Variants in SYNDIG1L observed in about 807,000 individuals in gnomAD.
The protein encoded by SYNDIG1L is synapse differentiation-inducing gene protein 1-like.
A neutral mutation model predicts 20.1 loss-of-function variants in SYNDIG1L; 13 were observed. The ratio of observed to expected loss-of-function variants is 0.65; its 90% CI spans 0.42 to 1.03. The LOEUF (loss-of-function observed/expected upper bound fraction) is 1.03, where lower values mean the gene tolerates loss of function less well. Ranked by LOEUF, SYNDIG1L falls within the 50% of genes least tolerant of loss-of-function variation. The pLI, the probability that SYNDIG1L is intolerant of heterozygous loss-of-function variation, is 0.00. For missense variants in SYNDIG1L, 294 were observed against 305.1 expected, an observed-to-expected ratio of 0.96 and a Z score of 0.27; for synonymous variants, 128 against 129.3, an observed-to-expected ratio of 0.99 and a Z score of 0.07.
chr14:74,414,260 A>G (rs939244544), intron 1 of SYNDIG1L, among the ~76,000 whole-genome samples: 3 of 152,172 alleles, frequency 2.0e-5, no homozygotes, highest in Admixed American at 6.5e-5. Context: ...GTGTGTGTGT[A>G]GGCATGCCTG....
the SYNDIG1L span, among the ~76,000 whole-genome samples, chr14:74,468,309 G>A: frequency 0.23 from 34,990 of 151,964 alleles, 4,529 homozygotes; most frequent in African/African-American, 0.35. Context: ...GAACTGCTTC[G>A]CAGGCATTAC....
the SYNDIG1L span, among the ~76,000 whole-genome samples, chr14:74,439,353 T>C: frequency 9.2e-5 from 14 of 152,064 alleles, no homozygotes; most frequent in African/African-American, 3.4e-4. Flanking sequence ...CCTTAAGTCA[T>C]AAAGCTGGTA....
the SYNDIG1L span, among the ~76,000 whole-genome samples, chr14:74,475,793 T>C: frequency 6.6e-6 from 1 of 152,234 alleles, no homozygotes; most frequent in African/African-American, 2.4e-5. Context: ...TAAGCCTCTC[T>C]GGAGTTCAGA....
At chr14:74,445,415 C>T in the SYNDIG1L span, among the ~76,000 whole-genome samples, 1 of 151,988 alleles carries the variant, frequency 6.6e-6, no homozygotes, top group Non-Finnish European at 1.5e-5. Flanking sequence ...GAGCTAGCCA[C>T]ATTAGCATAT....
chr14:74,420,134 C>T (rs1229766208), intron 1 of SYNDIG1L, among the ~76,000 whole-genome samples: 1 of 152,076 alleles, frequency 6.6e-6, no homozygotes, highest in Non-Finnish European at 1.5e-5. Flanking sequence ...CGGTGGCTCA[C>T]ACCTGCAATC....
chr14:74,476,587 G>A, the SYNDIG1L span: 3 of 1,535,312 alleles, frequency 2.0e-6, no homozygotes, highest in Middle Eastern at 1.7e-4. Context: ...ACAGGCATGG[G>A]AACATCTGCA....
At chr14:74,466,139 A>G in the SYNDIG1L span, among the ~76,000 whole-genome samples, 2 of 152,144 alleles carry the variant, frequency 1.3e-5, no homozygotes, top group African/African-American at 4.8e-5. Context: ...CGCTGCCCTC[A>G]ATTCTATCTT....
chr14:74,410,718 C>T (rs1186342032), intron 1 of SYNDIG1L, among the ~76,000 whole-genome samples: 3 of 152,046 alleles, frequency 2.0e-5, no homozygotes, highest in South Asian at 2.1e-4. Context: ...CGAATGGGAG[C>T]GCGCTGAGTC....
At chr14:74,479,271 G>C in the SYNDIG1L span, 7 of 152,222 alleles carry the variant, frequency 4.6e-5, no homozygotes, top group Admixed American at 4.6e-4. Flanking sequence ...CAAGGGTCTA[G>C]TGAAATTAGT....
the SYNDIG1L span, among the ~76,000 whole-genome samples, chr14:74,443,639 C>A: frequency 6.6e-6 from 1 of 152,158 alleles, no homozygotes; most frequent in Non-Finnish European, 1.5e-5. Flanking sequence ...GATATGAATT[C>A]TTTGAAAGAC....
chr14:74,419,886 C>T (rs555620987), intron 1 of SYNDIG1L, among the ~76,000 whole-genome samples: 3 of 152,146 alleles, frequency 2.0e-5, no homozygotes, highest in African/African-American at 7.2e-5. Flanking sequence ...GAGGGGAAGC[C>T]AGGGTGTTTG....
chr14:74,433,398 T>C, the SYNDIG1L span, among the ~76,000 whole-genome samples: 10 of 152,144 alleles, frequency 6.6e-5, no homozygotes, highest in African/African-American at 2.4e-4. Context: ...TCCTTTTTTT[T>C]TTTGAGACGG....
the SYNDIG1L span, among the ~76,000 whole-genome samples, chr14:74,452,011 A>G: frequency 7.5e-6 from 1 of 133,956 alleles, no homozygotes; most frequent in Non-Finnish European, 1.6e-5. Context: ...AAAAAAAAAG[A>G]ACCCCTGTAA....
intron 2 of SYNDIG1L, 74 bp downstream of exon 2, chr14:74,409,254 T>G (rs980671094): frequency 2.2e-5 from 25 of 1,130,110 alleles, no homozygotes; most frequent in Non-Finnish European, 2.9e-5. Flanking sequence ...AATTTTCAAT[T>G]TTTTTTTTTT....
chr14:74,431,549 G>C, the SYNDIG1L span, among the ~76,000 whole-genome samples: 1 of 151,896 alleles, frequency 6.6e-6, no homozygotes, highest in Admixed American at 6.6e-5. Context: ...TTTAATAAAG[G>C]CTCATGGAAG....
upstream of SYNDIG1L, among the ~76,000 whole-genome samples, chr14:74,426,568 A>C (rs1221470312): frequency 6.6e-6 from 1 of 152,208 alleles, no homozygotes; most frequent in African/African-American, 2.4e-5. Flanking sequence ...TCTGCCCTAA[A>C]AAGAAAAACA....
At chr14:74,428,995 C>T (rs148837766), upstream of SYNDIG1L, among the ~76,000 whole-genome samples, 64 of 152,306 alleles carry the variant, frequency 4.2e-4, no homozygotes, top group African/African-American at 1.5e-3. Flanking sequence ...GGTAATGCTG[C>T]TTAGCACCAT....
the SYNDIG1L span, among the ~76,000 whole-genome samples, chr14:74,435,979 T>C: frequency 6.6e-6 from 1 of 152,184 alleles, no homozygotes; most frequent in Non-Finnish European, 1.5e-5. Context: ...ACAGTTCTGA[T>C]AGTGTGAGGC....
chr14:74,464,187 G>T, the SYNDIG1L span, among the ~76,000 whole-genome samples: 1 of 152,122 alleles, frequency 6.6e-6, no homozygotes, highest in African/African-American at 2.4e-5. Flanking sequence ...GTGAAAAAGG[G>T]TGTAGGTTGG....
Sources: gnomAD v4.1 joint callset for allele counts (sites outside exome capture counted in the v4.1 genomes callset) on GRCh38, gnomAD v4.1.1 for gene constraint, MANE v1.5 for transcripts, NCBI Gene and HGNC (gene_info 2026-07-23, HGNC 2026-07-21) for gene names.